The following GCLC variants were observed in gnomAD, a reference collection of about 807,000 sequenced individuals.
The protein encoded by GCLC is glutamate-cysteine ligase catalytic subunit.
Under a neutral mutation model 81.5 loss-of-function variants are expected in GCLC, and 30 were observed. The ratio of observed to expected loss-of-function variants is 0.37; its 90% CI spans 0.28 to 0.50. GCLC has a LOEUF of 0.50. Ranked by LOEUF, GCLC falls within the 20% of genes least tolerant of loss-of-function variation. The pLI is 0.96. For synonymous variants in GCLC, 262 were observed against 273.3 expected, an observed-to-expected ratio of 0.96 and a Z score of 0.41; for missense variants, 556 against 777.4, an observed-to-expected ratio of 0.72 and a Z score of 3.39.
At chr6:53,500,648 G>A in intron 12 of GCLC, 135 bp from the exon 13 acceptor site, 4 of 723,338 alleles carry the variant, frequency 5.5e-6, no homozygotes, top group Non-Finnish European at 9.9e-6. Flanking sequence ...CTTCCCAGTG[G>A]GAGGAACAGG....
Position 53,544,805 on chromosome 6 carries a change from G to A in GCLC, c.-160C>T. The stretch of plus-strand genomic sequence containing the variant: ...GCGGAGGGAGGGTCCTGCCCGCTCC[G>A]GCTCCCCGGCGGCGGCCCCTGGCGC... On this transcript the variant is annotated 5_prime_UTR_variant, in exon 1 of 16. Coordinates refer to ENST00000650454, the MANE Select transcript of GCLC (RefSeq NM_001498.4). 1 of 600,936 alleles carries A rather than the reference G, an allele frequency of 1.7e-6. No individual in the cohort carries two copies. Among genetic ancestry groups the A allele is most frequent in the Non-Finnish European group, 2.6e-6 (1 of 386,504 alleles). 37.2% of individuals were successfully genotyped at this position (600,936 alleles called of 1,614,324 possible). A position where few individuals can be genotyped will look rare whatever the true frequency, so the allele number is the denominator to read the frequency against.
At chr6:53,535,660 T>G (rs1763245782) in intron 1 of GCLC, among the ~76,000 whole-genome samples, 1 of 152,214 alleles carries the variant, frequency 6.6e-6, no homozygotes, top group Non-Finnish European at 1.5e-5. Flanking sequence ...GACAAATGAT[T>G]TTAACACACT....
rs368915431 is a variant in GCLC, at chr6:53,544,679, G to A, written c.-34C>T. ...CCTCCTCCTCCTCCTCCTCCTCCGG[G>A]CTGACGGCGGTCGCCCGCTCCGGGC... On this transcript the variant is annotated 5_prime_UTR_variant, in exon 1 of 16. Transcript: ENST00000650454. 258 of 1,157,498 alleles carry A rather than the reference G, an allele frequency of 2.2e-4. 1 individual carries two copies. In the African/African-American group the frequency reaches 3.2e-3, roughly 14 times the overall value. 71.7% of individuals were successfully genotyped at this position (1,157,498 alleles called of 1,614,324 possible). A position where few individuals can be genotyped will look rare whatever the true frequency, so the allele number is the denominator to read the frequency against.
At chr6:53,528,577 T>G (rs1445957278) in intron 1 of GCLC, among the ~76,000 whole-genome samples, 2 of 152,248 alleles carry the variant, frequency 1.3e-5, no homozygotes, top group East Asian at 3.8e-4. Context: ...TATCAAATTC[T>G]GCTAACATTT....
intron 1 of GCLC, among the ~76,000 whole-genome samples, chr6:53,533,866 G>GT (rs1763213911): frequency 6.6e-6 from 1 of 151,400 alleles, no homozygotes; most frequent in Non-Finnish European, 1.5e-5. Context: ...GCAATCTCAG[G>GT]TCACTGCAAC....
chr6:53,535,743 G>A (rs1187595777), intron 1 of GCLC, among the ~76,000 whole-genome samples: 3 of 152,108 alleles, frequency 2.0e-5, no homozygotes, highest in Non-Finnish European at 1.5e-5. Flanking sequence ...TCAGGAAAAT[G>A]CAATTTAAAA....
intron 12 of GCLC, 144 bp downstream of exon 12, chr6:53,505,248 T>C: frequency 1.5e-6 from 1 of 648,004 alleles, no homozygotes; most frequent in Non-Finnish European, 2.8e-6. Flanking sequence ...TAAAAGAAAA[T>C]AAAGAATAGG....
At chr6:53,538,727 G>C (rs1763301582) in intron 1 of GCLC, among the ~76,000 whole-genome samples, 1 of 152,160 alleles carries the variant, frequency 6.6e-6, no homozygotes, top group South Asian at 2.1e-4. Context: ...TGCTCATAAA[G>C]ATTAAAGATA....
At chr6:53,527,843 T>C (rs1035275955) in intron 1 of GCLC, among the ~76,000 whole-genome samples, 1 of 152,126 alleles carries the variant, frequency 6.6e-6, no homozygotes, top group Non-Finnish European at 1.5e-5. Flanking sequence ...TCCCATAGGA[T>C]CCCGTCCCCC....
At chr6:53,544,442 G>C in intron 1 of GCLC, 54 bp downstream of exon 1, 1 of 1,584,710 alleles carries the variant, frequency 6.3e-7, no homozygotes, top group Non-Finnish European at 8.6e-7. Flanking sequence ...GACAAAGGCA[G>C]CGCGGGCGGC....
chr6:53,541,065 A>G (rs1309178489), intron 1 of GCLC, among the ~76,000 whole-genome samples: 1 of 152,110 alleles, frequency 6.6e-6, no homozygotes, highest in Non-Finnish European at 1.5e-5. Flanking sequence ...AAATACAAAA[A>G]TTAGCCGGGC....
intron 1 of GCLC, among the ~76,000 whole-genome samples, chr6:53,530,864 T>G (rs1446053391): frequency 7.6e-6 from 1 of 131,948 alleles, no homozygotes; most frequent in East Asian, 2.3e-4. Context: ...TCTCTATTCT[T>G]TCTTCTCTTC....
At position 53,505,377 on chromosome 6, in the gene GCLC, GA is replaced by G. The variant is rs756474663; in HGVS notation, c.1395+14del. ...ATAGATCTATACCCATCACCATAAA[GA>G]AACATATCCTTACCTTTGACAGTGG... On this transcript the variant is annotated intron_variant, in intron 12 of 15. Transcript: ENST00000650454. The G allele has an allele frequency of 8.5e-7, 1 of 1,174,192 alleles. No individual in the cohort carries two copies. Among genetic ancestry groups the G allele is most frequent in the Admixed American group, 1.7e-5 (1 of 59,384 alleles). 72.7% of individuals were successfully genotyped at this position (1,174,192 alleles called of 1,614,324 possible). A position where few individuals can be genotyped will look rare whatever the true frequency, so the allele number is the denominator to read the frequency against.
chr6:53,509,542 T>A (rs184183725), intron 6 of GCLC: 1 of 496,594 alleles, frequency 2.0e-6, no homozygotes, highest in South Asian at 2.3e-5. Context: ...CATACGATGA[T>A]GTTTAGCAAA....
chr6:53,539,751 C>T (rs1475492446), intron 1 of GCLC, among the ~76,000 whole-genome samples: 1 of 152,172 alleles, frequency 6.6e-6, no homozygotes, highest in Non-Finnish European at 1.5e-5. Flanking sequence ...TTCATCTCCA[C>T]GTGGCACACC....
At chr6:53,513,561 C>A (rs1179718783) in intron 6 of GCLC, 1 of 152,294 alleles carries the variant, frequency 6.6e-6, no homozygotes, top group Non-Finnish European at 1.5e-5. Flanking sequence ...CAAAAGCCAA[C>A]TGCAGGCTTT....
In GCLC at chr6:53,526,043, T is replaced by C. The variant is rs373243021; in HGVS notation, c.151-3516A>G. ...TAGAATAAAAACCACTATTCTCAGC[T>C]GTCAAATCAAGGACAAAGACACATA... On this transcript the variant is annotated intron_variant, in intron 1 of 15. Coordinates refer to ENST00000650454, the MANE Select transcript of GCLC (RefSeq NM_001498.4). Among the ~76,000 whole-genome samples the C allele has an allele frequency of 3.8e-4, 58 of 152,340 alleles. 2 individuals are homozygous for C. Among genetic ancestry groups the C allele is most frequent in the African/African-American group, 1.3e-3 (56 of 41,586 alleles).
At chr6:53,500,668 T>C (rs1764493923) in intron 12 of GCLC, 155 bp from the exon 13 acceptor site, 1 of 679,630 alleles carries the variant, frequency 1.5e-6, no homozygotes, top group Admixed American at 2.2e-5. Flanking sequence ...GCTTTTTATT[T>C]ATGTGAGGAC....
chr6:53,534,147 C>T (rs1194285056), intron 1 of GCLC, among the ~76,000 whole-genome samples: 1 of 152,186 alleles, frequency 6.6e-6, no homozygotes, highest in African/African-American at 2.4e-5. Flanking sequence ...AGGTCTTCGA[C>T]TCTGATCTTC....
Sources: gnomAD v4.1 joint callset for allele counts (sites outside exome capture counted in the v4.1 genomes callset) on GRCh38, gnomAD v4.1.1 for gene constraint, MANE v1.5 for transcripts, NCBI Gene and HGNC (gene_info 2026-07-23, HGNC 2026-07-21) for gene names.